The following CRYBG1 variants were observed in gnomAD, a reference collection of about 807,000 sequenced individuals.
CRYBG1 encodes crystallin beta-gamma domain containing 1.
A neutral mutation model predicts 189.2 loss-of-function variants in CRYBG1; 139 were observed. The observed-to-expected ratio is 0.73, with a 90% confidence interval of 0.64 to 0.85. The LOEUF is 0.85. Among genes scored for constraint, CRYBG1 ranks in the 40% least tolerant of loss-of-function variants. The probability of loss-of-function intolerance (pLI) is 0.00; values close to 1 mark genes in which losing one functional copy is unlikely to be tolerated. For synonymous variants in CRYBG1, 1,023 were observed against 1,017.1 expected (o/e 1.01, Z -0.11); for missense variants, 2,611 against 2,675.8 (o/e 0.98, Z 0.53).
chr6:106,459,545 GTT>G (rs35095662), intron 2 of CRYBG1, among the ~76,000 whole-genome samples: 19 of 138,930 alleles, frequency 1.4e-4, no homozygotes, highest in South Asian at 2.3e-4. Context: ...CCATTTGTGG[GTT>G]TTTTTTTTTT....
At chr6:106,481,013 G>T (rs866041213) in intron 2 of CRYBG1, among the ~76,000 whole-genome samples, 1 of 40,348 alleles carries the variant, frequency 2.5e-5, no homozygotes. Flanking sequence ...TCGCTCTGTC[G>T]CCCAGGCTGG....
intron 2 of CRYBG1, among the ~76,000 whole-genome samples, chr6:106,479,573 T>C (rs556582682): frequency 6.6e-6 from 1 of 152,356 alleles, no homozygotes; most frequent in Admixed American, 6.5e-5. Flanking sequence ...CCTTTTTCCC[T>C]ACATCCTCAC....
chr6:106,566,447 A>G (rs1003781065), intron 21 of CRYBG1, among the ~76,000 whole-genome samples: 1 of 145,582 alleles, frequency 6.9e-6, no homozygotes, highest in Admixed American at 6.8e-5. Context: ...AGTATCTAGC[A>G]CGGTAGCAAC....
chr6:106,550,115 A>G (rs933979742), intron 13 of CRYBG1, among the ~76,000 whole-genome samples: 1 of 152,076 alleles, frequency 6.6e-6, no homozygotes, highest in African/African-American at 2.4e-5. Flanking sequence ...CTGCTTACCC[A>G]TCTGTGGGCT....
At chr6:106,542,345 C>A (rs1217834565) in intron 10 of CRYBG1, among the ~76,000 whole-genome samples, 1 of 148,582 alleles carries the variant, frequency 6.7e-6, no homozygotes, top group East Asian at 2.0e-4. Flanking sequence ...TACAGTGGCA[C>A]CATCACGGCT....
rs771364853 is a variant in CRYBG1 at position 106,519,432 on chromosome 6, G to C, written c.2224G>C (p.Val742Leu). The C allele has an allele frequency of 6.2e-6, 10 of 1,613,982 alleles. No individual in the cohort carries two copies. The highest frequency in any genetic ancestry group is 1.6e-4 in the Middle Eastern group (1 of 6,084). The change falls in exon 4 of 22, where the codon GTG becomes CTG. Residue 742 changes from valine (V) to leucine (L), a missense_variant. Around this residue, in one of 3 missense-constraint regions of CRYBG1, gnomAD observed 1,622 missense variants for 1,735.0 expected, o/e 0.93. Coordinates refer to ENST00000633556, the MANE Select transcript of CRYBG1 (RefSeq NM_001371242.2). ...KVMPNSPQNG[V>L]LVKETAIETK... The stretch of plus-strand genomic sequence containing the variant: ...AATGCCAAACAGTCCCCAGAATGGT[G>C]TGCTGGTTAAGGAAACTGCTATAGA...
At chr6:106,513,322 T>G (rs1237521762) in intron 3 of CRYBG1, among the ~76,000 whole-genome samples, 2 of 152,208 alleles carry the variant, frequency 1.3e-5, no homozygotes, top group East Asian at 3.8e-4. Flanking sequence ...AGATGAGAGA[T>G]AAGACCTCAT....
chr6:106,458,505 G>C (rs1771935342), intron 2 of CRYBG1, among the ~76,000 whole-genome samples: 1 of 152,056 alleles, frequency 6.6e-6, no homozygotes, highest in Non-Finnish European at 1.5e-5. Flanking sequence ...CTCCTTCCTT[G>C]TCAGACTAGG....
intron 1 of CRYBG1, among the ~76,000 whole-genome samples, chr6:106,439,410 G>T (rs897556781): frequency 3.3e-5 from 5 of 151,572 alleles, no homozygotes; most frequent in Non-Finnish European, 7.4e-5. Flanking sequence ...TTAAAATTTG[G>T]TACAAAGACA....
chr6:106,533,424 T>A (rs1032519774), intron 8 of CRYBG1, among the ~76,000 whole-genome samples: 10 of 152,210 alleles, frequency 6.6e-5, no homozygotes, highest in African/African-American at 2.4e-4. Context: ...GCATGGAGAA[T>A]CATTGGCGAA....
intron 4 of CRYBG1, among the ~76,000 whole-genome samples, chr6:106,522,649 C>A (rs1476514169): frequency 2.6e-5 from 4 of 152,154 alleles, no homozygotes; most frequent in Non-Finnish European, 5.9e-5. Context: ...TTCTGGTGGT[C>A]CATCCTGTGA....
chr6:106,541,371 G>A (rs1582827655), intron 9 of CRYBG1: 2 of 675,340 alleles, frequency 3.0e-6, no homozygotes, highest in Non-Finnish European at 5.5e-6. Flanking sequence ...ACGCAGATCA[G>A]CTTATAGACT....
Position 106,520,512 on chromosome 6 carries a change from T to C in CRYBG1, c.3304T>C (p.Ser1102Pro), listed in dbSNP as rs1374292153. ...AGSDDSVFDS[S>P]SDMEKFTEII... ...TAGTGATGATAGTGTATTTGATTCTTCTTCTGATATGGAAAAATTCACTGA... is the reference window on the plus strand; with the variant it reads ...TAGTGATGATAGTGTATTTGATTCTCCTTCTGATATGGAAAAATTCACTGA... The change falls in exon 4 of 22, where the codon TCT (serine) becomes CCT (proline). Residue 1102 changes from serine (S) to proline (P), a missense_variant. Ser to Pro is a moderately conservative substitution (Grantham distance 74). This residue lies in a region of CRYBG1 where 1,622 missense variants were observed against 1,735.0 expected (regional missense o/e 0.93). Transcript: ENST00000633556. The C allele has an allele frequency of 6.2e-7, 1 of 1,614,064 alleles. No homozygotes were observed. Among genetic ancestry groups the C allele is most frequent in the Non-Finnish European group, 8.5e-7 (1 of 1,180,034 alleles).
chr6:106,556,432 T>G (rs2114591574), intron 17 of CRYBG1, among the ~76,000 whole-genome samples: 1 of 152,376 alleles, frequency 6.6e-6, no homozygotes, highest in South Asian at 2.1e-4. Flanking sequence ...TGGCTTCCTC[T>G]ACCTTTGGTT....
Position 106,543,728 on chromosome 6 carries a change from T to G in CRYBG1, c.5039+131T>G, listed in dbSNP as rs1030254983. On this transcript the variant is annotated intron_variant, in intron 11 of 21. Coordinates refer to ENST00000633556, the MANE Select transcript of CRYBG1 (RefSeq NM_001371242.2). ...TGAATTTTGACAGTTATATCCACAT[T>G]CTCCTCAGCCTATAGTGACTGGATT... The G allele has an allele frequency of 5.8e-6, 6 of 1,042,046 alleles. No homozygotes were observed. In the African/African-American group the frequency reaches 8.0e-5, roughly 14 times the overall value. 64.5% of individuals were successfully genotyped at this position (1,042,046 alleles called of 1,614,324 possible).
chr6:106,491,221 C>A (rs762297089), intron 2 of CRYBG1, among the ~76,000 whole-genome samples: 32 of 152,226 alleles, frequency 2.1e-4, no homozygotes, highest in Non-Finnish European at 3.8e-4. Flanking sequence ...CATGAGCCAC[C>A]TGTGTGGAGG....
intron 13 of CRYBG1, among the ~76,000 whole-genome samples, chr6:106,548,338 A>C (rs1036327759): frequency 6.6e-6 from 1 of 152,200 alleles, no homozygotes; most frequent in Admixed American, 6.5e-5. Context: ...CTTGGAGGGA[A>C]AACAACACTA....
chr6:106,555,293 A>C (rs1247502555), intron 16 of CRYBG1, among the ~76,000 whole-genome samples: 1 of 68,876 alleles, frequency 1.5e-5, no homozygotes, highest in Admixed American at 1.3e-4. Context: ...TGTCTAAGTC[A>C]ATATAGTATT....
intron 1 of CRYBG1, among the ~76,000 whole-genome samples, chr6:106,410,102 G>A (rs1325644872): frequency 6.6e-6 from 1 of 152,038 alleles, no homozygotes; most frequent in Non-Finnish European, 1.5e-5. Flanking sequence ...CAGAATGGGA[G>A]AAAATTTTTG....
Sources: gnomAD v4.1 joint callset for allele counts (sites outside exome capture counted in the v4.1 genomes callset) on GRCh38, gnomAD v4.1.1 for gene constraint, gnomAD v4.1.1 regional missense constraint, MANE v1.5 for transcripts, NCBI Gene and HGNC (gene_info 2026-07-23, HGNC 2026-07-21) for gene names.